GSE1: variants seen among roughly 807,000 people sequenced by gnomAD.
GSE1 encodes genetic suppressor element 1.
A neutral mutation model predicts 112.6 loss-of-function variants in GSE1; 32 were observed. The ratio of observed to expected loss-of-function variants is 0.28; its 90% CI spans 0.21 to 0.38. The LOEUF is 0.38. Ranked by LOEUF, GSE1 falls within the 10% of genes least tolerant of loss-of-function variation. GSE1 has a pLI of 1.00. For missense variants in GSE1, 2,348 were observed against 1,699.2 expected (o/e 1.38, Z -6.71); for synonymous variants, 1,115 against 735.6 (o/e 1.52, Z -8.35).
chr16:85,537,492 G>A (rs577588517), intron 2 of GSE1, among the ~76,000 whole-genome samples: 19 of 152,192 alleles, frequency 1.2e-4, no homozygotes, highest in South Asian at 4.1e-4. Flanking sequence ...CTGCCCAGGC[G>A]CCTGAAAGCT....
intron 2 of GSE1, among the ~76,000 whole-genome samples, chr16:85,492,085 C>T (rs897354068): frequency 3.9e-5 from 6 of 152,222 alleles, no homozygotes; most frequent in African/African-American, 1.2e-4. Flanking sequence ...CCACTGGACA[C>T]GCCCGCCCCT....
intron 2 of GSE1, among the ~76,000 whole-genome samples, chr16:85,520,471 A>T (rs984018036): frequency 2.7e-5 from 4 of 148,982 alleles, no homozygotes; most frequent in Non-Finnish European, 4.5e-5. Flanking sequence ...CACTCTTGTC[A>T]CCCAGGCTGG....
chr16:85,574,882 T>A (rs2046156801), intron 1 of GSE1, among the ~76,000 whole-genome samples: 1 of 152,172 alleles, frequency 6.6e-6, no homozygotes, highest in African/African-American at 2.4e-5. Flanking sequence ...TATATTGGGA[T>A]CTGCGCTCCA....
At chr16:85,519,591 ATCACCT>A (rs2052096337) in intron 2 of GSE1, among the ~76,000 whole-genome samples, 1 of 148,260 alleles carries the variant, frequency 6.7e-6, no homozygotes, top group East Asian at 2.0e-4. Flanking sequence ...CTCCATCATC[ATCACCT>A]TCACCACCAT....
intron 2 of GSE1, among the ~76,000 whole-genome samples, chr16:85,478,894 T>TCTTTCTTTCTTTCTTTCTTTC (rs2050563148): frequency 3.9e-5 from 3 of 77,484 alleles, no homozygotes; most frequent in African/African-American, 2.3e-4. Flanking sequence ...TTTCTTTCTT[T>TCTTTCTTTCTTTCTTTCTTTC]CTTTCTTTCT....
chr16:85,633,864 G>T, intron 1 of GSE1, 50 bp from the exon 2 acceptor site: 1 of 1,463,462 alleles, frequency 6.8e-7, no homozygotes, highest in Admixed American at 1.8e-5. Context: ...CTCTGGTGCT[G>T]GGCGCTCCTG....
At chr16:85,569,898 C>T (rs1422858739) in intron 1 of GSE1, among the ~76,000 whole-genome samples, 3 of 152,182 alleles carry the variant, frequency 2.0e-5, no homozygotes, top group Admixed American at 1.3e-4. Flanking sequence ...GACCGCCCAC[C>T]TCTGTGTGGA....
chr16:85,653,542 A>AC, intron 3 of GSE1, among the ~76,000 whole-genome samples: 1 of 150,948 alleles, frequency 6.6e-6, no homozygotes, highest in African/African-American at 2.4e-5. Context: ...AGTCCTCTGG[A>AC]CCACCTTCCC....
At chr16:85,643,244 T>G (rs1202591742) in intron 2 of GSE1, among the ~76,000 whole-genome samples, 1 of 152,214 alleles carries the variant, frequency 6.6e-6, no homozygotes, top group Admixed American at 6.5e-5. Flanking sequence ...ACTTAACTCC[T>G]GGCTGAATAC....
intron 2 of GSE1, among the ~76,000 whole-genome samples, chr16:85,467,051 AAAAT>A (rs1160198121): frequency 3.3e-5 from 5 of 152,218 alleles, no homozygotes; most frequent in Admixed American, 2.0e-4. Flanking sequence ...CTCCATCTTA[AAAAT>A]AAATAAAAAG....
chr16:85,332,899 C>A lies in GSE1; in HGVS notation c.2284-24564C>A, dbSNP rs1466708690. 4.6e-5 allele frequency among the ~76,000 whole-genome samples: 7 copies of A among 152,058 alleles called. No individual in the cohort carries two copies. In the East Asian group the frequency reaches 1.4e-3, roughly 29 times the overall value. The stretch of plus-strand genomic sequence containing the variant: ...GGAGGATGCTGTCCCACCTCAGAAC[C>A]CCCCTTTATCCCCTGTACCAGCCGG... On this transcript the variant is annotated intron_variant, in intron 1 of 2. Coordinates refer to the GSE1 transcript ENST00000637419.
At chr16:85,631,502 C>G (rs1172875975) in intron 1 of GSE1, among the ~76,000 whole-genome samples, 1 of 152,220 alleles carries the variant, frequency 6.6e-6, no homozygotes, top group African/African-American at 2.4e-5. Context: ...CATTGTGGCT[C>G]CAGTGGGGTG....
chr16:85,537,174 G>A (rs993752736), intron 2 of GSE1, among the ~76,000 whole-genome samples: 6 of 152,196 alleles, frequency 3.9e-5, no homozygotes, highest in African/African-American at 9.7e-5. Flanking sequence ...GGCAGGTGAC[G>A]CAGGGCCTAA....
chr16:85,468,978 G>T (rs1285333614), intron 2 of GSE1, among the ~76,000 whole-genome samples: 1 of 152,198 alleles, frequency 6.6e-6, no homozygotes, highest in Non-Finnish European at 1.5e-5. Context: ...CCAGAGGCTG[G>T]GCGTGGTGGC....
At chr16:85,617,301 A>T (rs2048430590) in intron 1 of GSE1, among the ~76,000 whole-genome samples, 1 of 152,148 alleles carries the variant, frequency 6.6e-6, no homozygotes, top group African/African-American at 2.4e-5. Flanking sequence ...GGAGCTGTAG[A>T]TGAGGGCAGG....
chr16:85,574,981 T>G (rs1237897885), intron 1 of GSE1, among the ~76,000 whole-genome samples: 1 of 152,186 alleles, frequency 6.6e-6, no homozygotes, highest in Non-Finnish European at 1.5e-5. Context: ...GGCAGCCCCC[T>G]TGCCCTGCCA....
At chr16:85,621,019 A>G (rs2048702138) in intron 1 of GSE1, among the ~76,000 whole-genome samples, 1 of 148,820 alleles carries the variant, frequency 6.7e-6, no homozygotes, top group South Asian at 2.1e-4. Context: ...ATCCGTTTAG[A>G]TGGTCTCAGC....
intron 2 of GSE1, among the ~76,000 whole-genome samples, chr16:85,471,489 C>A (rs2050294713): frequency 1.3e-5 from 2 of 152,212 alleles, no homozygotes; most frequent in Admixed American, 6.5e-5. Flanking sequence ...CCATAGCTCA[C>A]TGCAGCCTCC....
intron 2 of GSE1, among the ~76,000 whole-genome samples, chr16:85,470,415 C>T (rs1406540503): frequency 6.9e-6 from 1 of 145,726 alleles, no homozygotes; most frequent in African/African-American, 2.7e-5. Context: ...AGGCCCCGGA[C>T]GCAGAGCTGG....
Sources: allele counts gnomAD v4.1 joint callset (sites outside exome capture counted in the v4.1 genomes callset), GRCh38; gene constraint gnomAD v4.1.1; transcripts MANE v1.5; gene names NCBI Gene and HGNC (gene_info 2026-07-23, HGNC 2026-07-21).